The following TRIM37 variants were observed in gnomAD, a reference collection of about 807,000 sequenced individuals.
TRIM37 encodes the protein E3 ubiquitin-protein ligase TRIM37.
Under a neutral mutation model 129.8 loss-of-function variants are expected in TRIM37, and 80 were observed. That is an observed-to-expected ratio of 0.62 (90% confidence interval 0.51 to 0.74). The LOEUF (loss-of-function observed/expected upper bound fraction) is 0.74, where lower values mean the gene tolerates loss of function less well. Among genes scored for constraint, TRIM37 ranks in the 30% least tolerant of loss-of-function variants. The pLI, the probability that TRIM37 is intolerant of heterozygous loss-of-function variation, is 0.00. For synonymous variants in TRIM37, 389 were observed against 387.1 expected, an observed-to-expected ratio of 1.00 and a Z score of -0.06; for missense variants, 1,054 against 1,176.5, an observed-to-expected ratio of 0.90 and a Z score of 1.52.
intron 12 of TRIM37, among the ~76,000 whole-genome samples, chr17:59,058,883 A>G (rs1370783452): frequency 6.6e-6 from 1 of 152,172 alleles, no homozygotes; most frequent in African/African-American, 2.4e-5. Flanking sequence ...AGAAGTATAC[A>G]TTGGGAAAGC....
At chr17:59,065,196 G>A (rs754954799) in intron 9 of TRIM37, among the ~76,000 whole-genome samples, 7 of 152,030 alleles carry the variant, frequency 4.6e-5, no homozygotes, top group South Asian at 2.1e-4. Context: ...AGAAACTGAC[G>A]CTTAGGGTGT....
chr17:59,041,323 C>A (rs1041332466), intron 17 of TRIM37, among the ~76,000 whole-genome samples: 1 of 152,154 alleles, frequency 6.6e-6, no homozygotes, highest in African/African-American at 2.4e-5. Flanking sequence ...GACCAGGTAA[C>A]TGAAAACTAT....
intron 19 of TRIM37, among the ~76,000 whole-genome samples, chr17:59,021,607 A>G (rs1161083715): frequency 6.6e-6 from 1 of 152,108 alleles, no homozygotes; most frequent in African/African-American, 2.4e-5. Context: ...TAATACAGCA[A>G]TGGTTACCAG....
At chr17:58,999,492 T>C (rs766819065) in intron 23 of TRIM37, 33 bp from the exon 24 acceptor site, 22 of 1,550,478 alleles carry the variant, frequency 1.4e-5, no homozygotes, top group Non-Finnish European at 1.9e-5. Context: ...AAATTTAAAA[T>C]TTAAAAGCAT....
At chr17:59,105,525 T>C (rs547232223) in intron 1 of TRIM37, among the ~76,000 whole-genome samples, 1 of 152,380 alleles carries the variant, frequency 6.6e-6, no homozygotes, top group South Asian at 2.1e-4. Flanking sequence ...TTGTATTGTA[T>C]ACTTTGTTTT....
chr17:59,011,843 A>T (rs911513397), intron 22 of TRIM37, among the ~76,000 whole-genome samples: 2 of 152,216 alleles, frequency 1.3e-5, no homozygotes, highest in Non-Finnish European at 2.9e-5. Flanking sequence ...TGACTTTAAA[A>T]AATACTTAAC....
At chr17:59,003,365 A>G (rs934455592) in intron 22 of TRIM37, among the ~76,000 whole-genome samples, 4 of 152,306 alleles carry the variant, frequency 2.6e-5, no homozygotes, top group African/African-American at 9.6e-5. Flanking sequence ...TCAAATTTTA[A>G]GAAATTAACA....
intron 8 of TRIM37, among the ~76,000 whole-genome samples, chr17:59,072,742 T>C (rs968027020): frequency 3.7e-5 from 5 of 134,272 alleles, no homozygotes; most frequent in African/African-American, 1.3e-4. Flanking sequence ...GGCAAGACTC[T>C]GTCTCAAAAA....
chr17:58,983,619 G>T (rs1385964726), intron 24 of TRIM37: 1 of 152,594 alleles, frequency 6.6e-6, no homozygotes, highest in African/African-American at 2.4e-5. Context: ...ATATTAGACA[G>T]ATATAAAAGT....
At chr17:58,973,102 T>C in the TRIM37 span, among the ~76,000 whole-genome samples, 15 of 152,332 alleles carry the variant, frequency 9.8e-5, no homozygotes, top group African/African-American at 3.6e-4. Context: ...AACCTGTACA[T>C]TTATATACTT....
chr17:59,035,130 G>A (rs2038317214), intron 17 of TRIM37, among the ~76,000 whole-genome samples: 1 of 151,936 alleles, frequency 6.6e-6, no homozygotes, highest in African/African-American at 2.4e-5. Flanking sequence ...CACAATCTTG[G>A]CTCACCGCAA....
At chr17:59,007,231 C>CCA (rs35675752) in intron 22 of TRIM37, among the ~76,000 whole-genome samples, 14 of 97,498 alleles carry the variant, frequency 1.4e-4, no homozygotes, top group Middle Eastern at 4.5e-3. Flanking sequence ...CCCCACCCAC[C>CCA]CACACACACA....
At chr17:59,021,728 A>T (rs1333507485) in intron 19 of TRIM37, among the ~76,000 whole-genome samples, 1 of 152,204 alleles carries the variant, frequency 6.6e-6, no homozygotes, top group Admixed American at 6.5e-5. Flanking sequence ...ACTACAGTCT[A>T]CAATAATTTA....
chr17:59,011,531 G>A (rs1218364393), intron 22 of TRIM37, among the ~76,000 whole-genome samples: 1 of 152,100 alleles, frequency 6.6e-6, no homozygotes, highest in Non-Finnish European at 1.5e-5. Context: ...ACTAAGAAAT[G>A]AAAAAATTAC....
At chr17:59,030,565 G>A (rs1339842331) in intron 18 of TRIM37, among the ~76,000 whole-genome samples, 1 of 152,072 alleles carries the variant, frequency 6.6e-6, no homozygotes, top group Non-Finnish European at 1.5e-5. Flanking sequence ...TTGAAATTCA[G>A]ATCATCTCAT....
chr17:59,057,627 A>C (rs916404012), intron 12 of TRIM37, among the ~76,000 whole-genome samples: 1 of 152,190 alleles, frequency 6.6e-6, no homozygotes, highest in African/African-American at 2.4e-5. Context: ...AGTTCAAGTG[A>C]TTCTGCTGCC....
At chr17:59,064,153 C>T in intron 10 of TRIM37, 1 of 529,984 alleles carries the variant, frequency 1.9e-6, no homozygotes, top group Non-Finnish European at 3.4e-6. Flanking sequence ...GGTTCCTTTT[C>T]CCAGACTAGA....
rs34077052 is a variant in TRIM37, at chr17:58,986,166, C to G, written c.2892-3245G>C. ...AGCTGCATAACTGAGCATTCCCCCCCACACCCGCCCCCTGTTGCTGTCAGT... is the reference window on the plus strand; with the variant it reads ...AGCTGCATAACTGAGCATTCCCCCCGACACCCGCCCCCTGTTGCTGTCAGT... On this transcript the variant is annotated intron_variant, in intron 24 of 24. Coordinates refer to the TRIM37 transcript ENST00000393066. Among the ~76,000 whole-genome samples, 7 of 152,116 alleles carry G rather than the reference C, an allele frequency of 4.6e-5. No individual in the cohort carries two copies. The East Asian group carries it at 7.7e-4, about 17-fold the overall frequency.
the TRIM37 span, chr17:58,969,773 G>C: frequency 1.9e-6 from 3 of 1,572,474 alleles, no homozygotes; most frequent in Non-Finnish European, 2.6e-6. Context: ...TACTAGCTGA[G>C]CTCAATTTGG....
Sources: gnomAD v4.1 joint callset for allele counts (sites outside exome capture counted in the v4.1 genomes callset) on GRCh38, gnomAD v4.1.1 for gene constraint, MANE v1.5 for transcripts, NCBI Gene and HGNC (gene_info 2026-07-23, HGNC 2026-07-21) for gene names.